TBC1D14: variants seen among roughly 807,000 people sequenced by gnomAD.
The protein encoded by TBC1D14 is TBC1 domain family, member 14.
A neutral mutation model predicts 79.0 loss-of-function variants in TBC1D14; 26 were observed. The ratio of observed to expected loss-of-function variants is 0.33; its 90% confidence interval spans 0.24 to 0.46. The LOEUF is 0.46. Ranked by LOEUF, TBC1D14 falls within the 20% of genes least tolerant of loss-of-function variation. The pLI, the probability that TBC1D14 is intolerant of heterozygous loss-of-function variation, is 1.00. For missense variants in TBC1D14, 769 were observed against 887.6 expected (o/e 0.87, Z 1.70); for synonymous variants, 394 against 349.9 (o/e 1.13, Z -1.40).
chr4:6,941,020 C>T lies in TBC1D14; in HGVS notation c.722+16909C>T, dbSNP rs1218096223. Reference sequence around the variant, plus strand: ...TTGAATCAGTTCTTGAGGGTAAACACGAGCGATTTATCTTGGCTATTAATG... The same window carrying T: ...TTGAATCAGTTCTTGAGGGTAAACATGAGCGATTTATCTTGGCTATTAATG... On this transcript the variant is annotated intron_variant, in intron 2 of 13. Coordinates refer to ENST00000409757, the MANE Select transcript of TBC1D14 (RefSeq NM_020773.3). Among the ~76,000 whole-genome samples, 3 of 152,234 alleles carry T rather than the reference C, an allele frequency of 2.0e-5. No homozygotes were observed. The East Asian group carries it at 5.8e-4, about 29-fold the overall frequency.
rs1376785448 is a variant in TBC1D14 at position 7,001,251 on chromosome 4, G to A, written c.1270G>A (p.Glu424Lys). 2 of 1,613,208 alleles carry A rather than the reference G, an allele frequency of 1.2e-6. No individual in the cohort carries two copies. Among genetic ancestry groups the A allele is most frequent in the Non-Finnish European group, 1.7e-6 (2 of 1,179,460 alleles). Residue 424 changes from glutamate to lysine, a missense_variant and splice_region_variant, in exon 7 of 14, where the codon GAG becomes AAG. Around this residue, in one of 2 missense-constraint regions of TBC1D14, gnomAD observed 367 missense variants for 494.4 expected, o/e 0.74. Coordinates refer to ENST00000409757, the MANE Select transcript of TBC1D14 (RefSeq NM_020773.3). ...TGGCAACGAGTTAAATATCACCCACGGTGAGTGGCCTGCATGATCCTGGGG... is the reference window on the plus strand; with the variant it reads ...TGGCAACGAGTTAAATATCACCCACAGTGAGTGGCCTGCATGATCCTGGGG... ...AIGNELNITH[E>K]LFDICLARAK...
intron 2 of TBC1D14, among the ~76,000 whole-genome samples, chr4:6,947,595 G>C (rs1713605528): frequency 6.6e-6 from 1 of 151,320 alleles, no homozygotes; most frequent in Admixed American, 6.6e-5. Context: ...CCGGGAGGCG[G>C]AGGTTGTAGT....
chr4:6,940,906 C>CATGAATGAACGA (rs1712843426), intron 2 of TBC1D14, among the ~76,000 whole-genome samples: 1 of 152,242 alleles, frequency 6.6e-6, no homozygotes, highest in Admixed American at 6.5e-5. Context: ...CGGCTTATGG[C>CATGAATGAACGA]ATGAATGAAC....
intron 2 of TBC1D14, among the ~76,000 whole-genome samples, chr4:6,935,004 A>G (rs905244964): frequency 7.9e-5 from 12 of 152,206 alleles, no homozygotes; most frequent in Non-Finnish European, 1.6e-4. Flanking sequence ...CACTTGACCC[A>G]GGAGGTCGAG....
At chr4:6,936,500 A>C (rs1317697685) in intron 2 of TBC1D14, among the ~76,000 whole-genome samples, 1 of 152,178 alleles carries the variant, frequency 6.6e-6, no homozygotes, top group African/African-American at 2.4e-5. Context: ...GTTTCACTGC[A>C]TGTATGTACC....
At chr4:6,952,146 C>T (rs1553858381) in intron 2 of TBC1D14, among the ~76,000 whole-genome samples, 1 of 152,178 alleles carries the variant, frequency 6.6e-6, no homozygotes, top group Non-Finnish European at 1.5e-5. Flanking sequence ...GCAGGAATCA[C>T]CTTTCTAAGT....
intron 12 of TBC1D14, among the ~76,000 whole-genome samples, chr4:7,024,030 A>G (rs1227354759): frequency 2.0e-5 from 3 of 152,158 alleles, no homozygotes; most frequent in Non-Finnish European, 2.9e-5. Context: ...GCTCTGTGCA[A>G]TGCACGTCCA....
chr4:6,983,868 T>C (rs937840060), intron 3 of TBC1D14, among the ~76,000 whole-genome samples: 12 of 152,232 alleles, frequency 7.9e-5, no homozygotes, highest in Non-Finnish European at 1.5e-4. Context: ...TATTTAATGC[T>C]TAATGCTTCC....
At position 6,923,676 on chromosome 4, in the gene TBC1D14, TC is replaced by T. The variant is rs1461925985; in HGVS notation, c.291del (p.Glu98SerfsTer41). 1.2e-6 allele frequency: 2 copies of T among 1,613,608 alleles called. No individual in the cohort carries two copies. The highest frequency in any genetic ancestry group is 1.7e-5 in the Admixed American group (1 of 59,998). ...VRRKQSDSDLIPERAFQSACA... is the reference protein window; with the variant it reads ...VRRKQSDSDLXPERAFQSACA... ...AGGAAGCAGTCCGACTCCGACCTCA[TC>T]CCCGAGCGGGCCTTCCAGAGCGCCT... On this transcript the variant is annotated frameshift_variant, in exon 2 of 14. Coordinates refer to ENST00000409757, the MANE Select transcript of TBC1D14 (RefSeq NM_020773.3). LOFTEE classifies it high-confidence loss of function.
chr4:6,937,849 G>GC (rs1048526614), intron 2 of TBC1D14, among the ~76,000 whole-genome samples: 2 of 152,126 alleles, frequency 1.3e-5, no homozygotes, highest in African/African-American at 4.8e-5. Flanking sequence ...GTAGTGGGGG[G>GC]TCGTCACCGT....
intron 2 of TBC1D14, among the ~76,000 whole-genome samples, chr4:6,951,301 A>C (rs750971329): frequency 1.2e-4 from 18 of 152,128 alleles, no homozygotes; most frequent in South Asian, 2.1e-4. Flanking sequence ...CAAAAAAAAT[A>C]AACAACAACA....
intron 3 of TBC1D14, among the ~76,000 whole-genome samples, chr4:6,990,989 C>T (rs1012690710): frequency 2.0e-5 from 3 of 152,188 alleles, no homozygotes; most frequent in African/African-American, 7.2e-5. Context: ...GGACAGTGAG[C>T]TTACTGTTGT....
chr4:7,022,973 T>C (rs898474201), intron 12 of TBC1D14, among the ~76,000 whole-genome samples: 1 of 152,204 alleles, frequency 6.6e-6, no homozygotes, highest in African/African-American at 2.4e-5. Context: ...ACTGTTGTTT[T>C]GGCTGGGCGT....
chr4:6,917,001 A>T (rs1488802529), intron 1 of TBC1D14, among the ~76,000 whole-genome samples: 1 of 152,178 alleles, frequency 6.6e-6, no homozygotes, highest in African/African-American at 2.4e-5. Context: ...CCTGACCATC[A>T]TGTGTTGACA....
intron 2 of TBC1D14, among the ~76,000 whole-genome samples, chr4:6,939,257 G>T (rs1418370208): frequency 6.6e-6 from 1 of 152,178 alleles, no homozygotes; most frequent in Non-Finnish European, 1.5e-5. Flanking sequence ...CAGGCCTGGA[G>T]ACCCCTCCTG....
chr4:7,028,861 G>C (rs1312836854), intron 13 of TBC1D14, among the ~76,000 whole-genome samples: 1 of 151,244 alleles, frequency 6.6e-6, no homozygotes, highest in Non-Finnish European at 1.5e-5. Flanking sequence ...TTTTGAGACA[G>C]AGTCTCACTC....
chr4:7,006,552 C>T, intron 8 of TBC1D14, 80 bp from the exon 9 acceptor site: 4 of 1,335,184 alleles, frequency 3.0e-6, no homozygotes, highest in South Asian at 1.3e-5. Context: ...GTGTTTTGTT[C>T]TTGTAAAACT....
At chr4:6,957,121 A>C (rs575575996) in intron 2 of TBC1D14, among the ~76,000 whole-genome samples, 1 of 152,270 alleles carries the variant, frequency 6.6e-6, no homozygotes, top group East Asian at 1.9e-4. Context: ...CTTCATTTGT[A>C]CTGGGAGGAA....
chr4:6,963,836 C>T (rs771898440), intron 2 of TBC1D14, among the ~76,000 whole-genome samples: 6 of 152,158 alleles, frequency 3.9e-5, no homozygotes, highest in Non-Finnish European at 7.4e-5. Flanking sequence ...CACTGTGTCA[C>T]CCAGGCTTGG....
Sources: allele counts gnomAD v4.1 joint callset (sites outside exome capture counted in the v4.1 genomes callset), GRCh38; gene constraint gnomAD v4.1.1; regional missense constraint gnomAD v4.1.1; transcripts MANE v1.5; gene names NCBI Gene and HGNC (gene_info 2026-07-23, HGNC 2026-07-21).